SHCBP1L: variants seen among roughly 807,000 people sequenced by gnomAD.
SHCBP1L encodes SHC binding and spindle associated 1 like.
In SHCBP1L, 67 loss-of-function variants were observed where a neutral mutation model predicts 62.5. The ratio of observed to expected loss-of-function variants is 1.07; its 90% CI spans 0.88 to 1.31. The LOEUF (loss-of-function observed/expected upper bound fraction) is 1.31, where lower values mean the gene tolerates loss of function less well. Among genes scored for constraint, SHCBP1L ranks in the 40% most tolerant of loss-of-function variants. SHCBP1L has a pLI of 0.00. For missense variants in SHCBP1L, 823 were observed against 809.8 expected (o/e 1.02, Z -0.20); for synonymous variants, 284 against 289.4 (o/e 0.98, Z 0.19).
At chr1:182,928,189 A>G (rs1449600027) in intron 6 of SHCBP1L, among the ~76,000 whole-genome samples, 2 of 152,100 alleles carry the variant, frequency 1.3e-5, no homozygotes, top group Non-Finnish European at 2.9e-5. Context: ...TCACTCTCTT[A>G]GATGTTAACC....
At chr1:182,929,902 A>T in intron 5 of SHCBP1L, 150 bp from the exon 6 acceptor site, 1 of 578,548 alleles carries the variant, frequency 1.7e-6, no homozygotes, top group Non-Finnish European at 3.0e-6. Context: ...ACTTGAGAGC[A>T]ATGTAATGAT....
chr1:182,905,535 C>T lies in SHCBP1L; in HGVS notation c.1297G>A (p.Ala433Thr). Residue 433 changes from alanine to threonine, a missense_variant, in exon 7 of 10, where the codon GCA becomes ACA. Physicochemically the swap from Ala to Thr is moderately conservative, Grantham distance 58. Transcript: ENST00000367547. ...VIIFPGEYQA[A>T]NLALLTDDII... is the part of the protein sequence containing the mutation. ...TCATCTGTCAACAAAGCAAGATTTG[C>T]AGCTTGATATTCTCCTGGAAAAATT... 5 of 1,613,670 alleles carry T rather than the reference C, an allele frequency of 3.1e-6. No homozygotes were observed. The highest frequency in any genetic ancestry group is 4.2e-6 in the Non-Finnish European group (5 of 1,179,798).
At position 182,953,004 on chromosome 1, in the gene SHCBP1L, C is replaced by A. The variant is rs78937321; in HGVS notation, c.130G>T (p.Ala44Ser). Reference protein sequence around the residue: ...TAAATTLKGTAIPVRSVVASP... With the variant: ...TAAATTLKGTSIPVRSVVASP... Reference sequence around the variant, plus strand: ...GCCACCACCGACCGCACTGGGATCGCGGTGCCCTTCAGGGTGGTCGCGGCC... The same window carrying A: ...GCCACCACCGACCGCACTGGGATCGAGGTGCCCTTCAGGGTGGTCGCGGCC... Residue 44 changes from alanine (A) to serine (S), a missense_variant, in exon 1 of 10, where the codon GCG becomes TCG. By Grantham distance (99) the Ala-to-Ser change is moderately conservative. Coordinates refer to ENST00000367547, the MANE Select transcript of SHCBP1L (RefSeq NM_030933.4). 4.2e-3 allele frequency: 6,469 copies of A among 1,542,790 alleles called. 263 individuals carry two copies. The African/African-American group carries it at 0.08, about 19-fold the overall frequency.
chr1:182,913,396 G>A (rs771556551), intron 6 of SHCBP1L, among the ~76,000 whole-genome samples: 36 of 152,168 alleles, frequency 2.4e-4, no homozygotes, highest in Admixed American at 9.2e-4. Flanking sequence ...ACCCAGTTGG[G>A]GTCTGCTGGA....
intron 8 of SHCBP1L, among the ~76,000 whole-genome samples, chr1:182,903,634 T>C (rs562730045): frequency 6.6e-6 from 1 of 152,292 alleles, no homozygotes; most frequent in South Asian, 2.1e-4. Flanking sequence ...GATTGTTATC[T>C]AAAGACTCAA....
At chr1:182,900,331 T>G (rs1207245081) in intron 9 of SHCBP1L, 97 bp from the exon 10 acceptor site, 2 of 1,069,512 alleles carry the variant, frequency 1.9e-6, no homozygotes, top group Non-Finnish European at 2.5e-6. Context: ...ATTCTTGGAT[T>G]AACAGATTTT....
chr1:182,904,178 A>G lies in SHCBP1L; in HGVS notation c.1587+2T>C. ...GGCCATACTTTTTAAAGAATGAAAT[A>G]CCTGGGCGCCAGTTATTTCACTGTC... On this transcript the variant is annotated splice_donor_variant, in intron 8 of 9. Transcript: ENST00000367547. LOFTEE classifies it high-confidence loss of function. 1 of 1,613,564 alleles carries G rather than the reference A, an allele frequency of 6.2e-7. No homozygotes were observed. The highest frequency in any genetic ancestry group is 8.5e-7 in the Non-Finnish European group (1 of 1,179,806).
At position 182,904,357 on chromosome 1, in the gene SHCBP1L, G is replaced by T; in HGVS notation, c.1410C>A (p.Asp470Glu). The stretch of plus-strand genomic sequence containing the variant: ...AAGATAGATGCATTAGTTTCACATT[G>T]TCAGCTTTGGACACCACAAAACTGT... The part of the protein sequence containing the change: ...SRDSFVVSKA[D>E]NVKLMHLSLI... Residue 470 changes from aspartate (D) to glutamate (E), a missense_variant, in exon 8 of 10, where the codon GAC (aspartate) becomes GAA (glutamate). Asp to Glu is a conservative substitution (Grantham distance 45, BLOSUM62 2). Transcript: ENST00000367547. The T allele has an allele frequency of 6.2e-7, 1 of 1,614,106 alleles. No homozygotes were observed. The highest frequency in any genetic ancestry group is 8.5e-7 in the Non-Finnish European group (1 of 1,180,022).
At chr1:182,935,828 A>G (rs1328674047) in intron 5 of SHCBP1L, among the ~76,000 whole-genome samples, 1 of 152,152 alleles carries the variant, frequency 6.6e-6, no homozygotes, top group Admixed American at 6.5e-5. Flanking sequence ...GCCACACCAG[A>G]TTTTTATTAA....
In SHCBP1L at chr1:182,929,664, T is replaced by C. The variant is rs189165579; in HGVS notation, c.1165A>G (p.Met389Val). The C allele has an allele frequency of 2.5e-6, 4 of 1,569,142 alleles. No individual in the cohort carries two copies. Among genetic ancestry groups the C allele is most frequent in the Non-Finnish European group, 3.4e-6 (4 of 1,162,942 alleles). Residue 389 changes from methionine to valine, a missense_variant, in exon 6 of 10, where the codon ATG becomes GTG. Coordinates refer to ENST00000367547, the MANE Select transcript of SHCBP1L (RefSeq NM_030933.4). ...TTTCTTACCATTTCAGTAGTCATCA[T>C]TTTTGCTACAATATGTGTTATAGTC... The part of the protein sequence containing the change: ...GKTITHIVAK[M>V]MTTEMIKDLS...
chr1:182,931,479 T>C (rs778105293), intron 5 of SHCBP1L, among the ~76,000 whole-genome samples: 1 of 152,168 alleles, frequency 6.6e-6, no homozygotes, highest in African/African-American at 2.4e-5. Flanking sequence ...TCAATCACAA[T>C]AATAAAGATA....
chr1:182,930,703 G>GTGTGTGTATA (rs1463256863), intron 5 of SHCBP1L, among the ~76,000 whole-genome samples: 1 of 14,282 alleles, frequency 7.0e-5, no homozygotes, highest in Non-Finnish European at 1.4e-4. Context: ...GTGTGTGTGT[G>GTGTGTGTATA]TATATATATA....
Position 182,953,129 on chromosome 1 carries a change from G to C in SHCBP1L, c.5C>G (p.Ala2Gly). The stretch of plus-strand genomic sequence containing the variant: ...GGGCACCGAGGCCTTGGAGCCCGAC[G>C]CCATCTCCTCAGCAGCCCGAGGGCC... The part of the protein sequence containing the change: M[A>G]SGSKASVPAD... The change falls in exon 1 of 10, where the codon GCG becomes GGG. Residue 2 changes from alanine (A) to glycine (G), a missense_variant. Transcript: ENST00000367547. 1 of 1,580,798 alleles carries C rather than the reference G, an allele frequency of 6.3e-7. No individual in the cohort carries two copies. Among genetic ancestry groups the C allele is most frequent in the South Asian group, 1.1e-5 (1 of 88,178 alleles).
At chr1:182,927,175 C>T (rs908446812) in intron 6 of SHCBP1L, among the ~76,000 whole-genome samples, 1 of 147,854 alleles carries the variant, frequency 6.8e-6, no homozygotes, top group Non-Finnish European at 1.5e-5. Context: ...AGAGGTTATG[C>T]GCTTTGCCTA....
intron 6 of SHCBP1L, among the ~76,000 whole-genome samples, chr1:182,907,568 ATTATTATTATTATTG>A (rs1448706087): frequency 7.3e-5 from 11 of 150,348 alleles, no homozygotes; most frequent in Non-Finnish European, 1.2e-4. Flanking sequence ...TATTCTTATT[ATTATTATTATTATTG>A]TTATTATTAT....
intron 6 of SHCBP1L, among the ~76,000 whole-genome samples, chr1:182,923,072 C>T (rs776582320): frequency 3.9e-5 from 6 of 151,940 alleles, no homozygotes; most frequent in African/African-American, 9.7e-5. Flanking sequence ...CACAGAAATA[C>T]AAAAAAACCC....
intron 2 of SHCBP1L, among the ~76,000 whole-genome samples, chr1:182,947,370 T>G (rs1651599338): frequency 6.6e-6 from 1 of 152,194 alleles, no homozygotes; most frequent in Non-Finnish European, 1.5e-5. Flanking sequence ...ATAGAAGACA[T>G]TTCCAGAAAT....
At chr1:182,900,328 G>A in intron 9 of SHCBP1L, 94 bp from the exon 10 acceptor site, 1 of 1,078,742 alleles carries the variant, frequency 9.3e-7, no homozygotes. Flanking sequence ...TTTATTCTTG[G>A]ATTAACAGAT....
At position 182,933,165 on chromosome 1, in the gene SHCBP1L, A is replaced by G. The variant is rs369409501; in HGVS notation, c.1077-3413T>C. On this transcript the variant is annotated intron_variant, in intron 5 of 9. Coordinates refer to ENST00000367547, the MANE Select transcript of SHCBP1L (RefSeq NM_030933.4). ...GTGATCTGCCTGCCTCAGCCTCCCA[A>G]AGTGCTGGGATTACAGGCATGAGCC... 4.6e-5 allele frequency among the ~76,000 whole-genome samples: 7 copies of G among 152,232 alleles called. No homozygotes were observed. In the East Asian group the frequency reaches 9.6e-4, roughly 21 times the overall value.
Sources: gnomAD v4.1 joint callset for allele counts (sites outside exome capture counted in the v4.1 genomes callset) on GRCh38, gnomAD v4.1.1 for gene constraint, MANE v1.5 for transcripts, NCBI Gene and HGNC (gene_info 2026-07-23, HGNC 2026-07-21) for gene names.